Variants in LRRC49 observed in about 807,000 individuals in gnomAD.
LRRC49 encodes the protein leucine rich repeat containing 49, also known as leucine-rich repeat-containing protein 49.
In LRRC49, 50 loss-of-function variants were observed where a neutral mutation model predicts 83.3. The ratio of observed to expected loss-of-function variants is 0.60; its 90% CI spans 0.48 to 0.76. The LOEUF is 0.76. Ranked by LOEUF, LRRC49 falls within the 30% of genes least tolerant of loss-of-function variation. The pLI is 0.00. For missense variants in LRRC49, 704 were observed against 809.1 expected, an observed-to-expected ratio of 0.87 and a Z score of 1.58; for synonymous variants, 286 against 283.3, an observed-to-expected ratio of 1.01 and a Z score of -0.10.
intron 8 of LRRC49, among the ~76,000 whole-genome samples, chr15:70,955,586 C>G (rs2141185934): frequency 6.6e-6 from 1 of 152,312 alleles, no homozygotes; most frequent in Non-Finnish European, 1.5e-5. Context: ...TCTTCTATCT[C>G]TCAGCCTTGA....
chr15:70,980,231 A>C, intron 10 of LRRC49, 47 bp downstream of exon 10: 2 of 1,355,782 alleles, frequency 1.5e-6, no homozygotes, highest in Non-Finnish European at 2.0e-6. Flanking sequence ...ACGTAGACAC[A>C]CATACCCCAA....
At chr15:70,896,478 A>G (rs927460341) in intron 3 of LRRC49, among the ~76,000 whole-genome samples, 2 of 152,184 alleles carry the variant, frequency 1.3e-5, no homozygotes, top group African/African-American at 2.4e-5. Flanking sequence ...GGAAATGTGC[A>G]TTTTAATAAT....
rs115400787 is a variant in LRRC49 at position 70,910,487 on chromosome 15, G to A, written c.501-1045G>A. On this transcript the variant is annotated intron_variant, in intron 5 of 15. Transcript: ENST00000260382. ...AGTGGTTCTTTGAGGCAGTAAACAA[G>A]GACAACGAAAATAGATGGTGATAAA... is the stretch of plus-strand genomic sequence containing the variant. Among the ~76,000 whole-genome samples the A allele has an allele frequency of 4.8e-3, 724 of 152,254 alleles. 9 individuals are homozygous for A. The highest frequency in any genetic ancestry group is 0.017 in the African/African-American group (705 of 41,536).
At chr15:70,968,310 ATGAACT>A (rs2036866928) in intron 9 of LRRC49, among the ~76,000 whole-genome samples, 1 of 152,188 alleles carries the variant, frequency 6.6e-6, no homozygotes, top group Non-Finnish European at 1.5e-5. Context: ...TACAAAGGAC[ATGAACT>A]CATTCTTTTT....
At chr15:70,900,629 CAAG>C (rs1441919116) in intron 3 of LRRC49, 2 of 471,590 alleles carry the variant, frequency 4.2e-6, no homozygotes, top group Middle Eastern at 3.2e-4. Context: ...GAATTTAAGA[CAAG>C]GAGTCAGGAT....
At chr15:70,891,911 G>C (rs1326387073), upstream of LRRC49, 2 of 1,613,720 alleles carry the variant, frequency 1.2e-6, no homozygotes, top group Non-Finnish European at 1.7e-6. Flanking sequence ...GGCAGCCTCA[G>C]AATGCCTGGC....
At chr15:70,963,746 G>A in intron 8 of LRRC49, 39 bp from the exon 9 acceptor site, 1 of 1,584,296 alleles carries the variant, frequency 6.3e-7, no homozygotes, top group South Asian at 1.2e-5. Context: ...ATTATCTTAA[G>A]GCCTCAGAAT....
chr15:70,920,553 G>A lies in LRRC49; in HGVS notation c.711+1360G>A, dbSNP rs375990953. Among the ~76,000 whole-genome samples, 7 of 152,162 alleles carry A rather than the reference G, an allele frequency of 4.6e-5. No individual in the cohort carries two copies. The East Asian group carries it at 1.2e-3, about 25-fold the overall frequency. ...CTTGGGTCTGGTAAGATTCCAAAAA[G>A]CTTTGTTAGAGTAGGGAACAGGAAT... On this transcript the variant is annotated intron_variant, in intron 7 of 15. Transcript: ENST00000260382.
intron 7 of LRRC49, among the ~76,000 whole-genome samples, chr15:70,928,588 A>T (rs2141145532): frequency 6.6e-6 from 1 of 151,884 alleles, no homozygotes; most frequent in African/African-American, 2.4e-5. Flanking sequence ...TATTTTTGAA[A>T]CAGAGTTTCA....
At chr15:70,972,919 T>C (rs1388940629) in intron 9 of LRRC49, among the ~76,000 whole-genome samples, 1 of 152,134 alleles carries the variant, frequency 6.6e-6, no homozygotes. Flanking sequence ...CTTCATTCCA[T>C]TGGGTTAGAA....
At chr15:70,998,402 G>C (rs951894389) in intron 11 of LRRC49, among the ~76,000 whole-genome samples, 1 of 151,830 alleles carries the variant, frequency 6.6e-6, no homozygotes, top group African/African-American at 2.4e-5. Flanking sequence ...GTTTATCAGG[G>C]AATGTCTTAA....
At chr15:70,963,583 G>T (rs990601060) in intron 8 of LRRC49, among the ~76,000 whole-genome samples, 2 of 152,074 alleles carry the variant, frequency 1.3e-5, no homozygotes, top group Admixed American at 1.3e-4. Context: ...TGTTTACTTT[G>T]GTTGATTAAT....
At chr15:70,888,359 C>T (rs764074740), upstream of LRRC49, among the ~76,000 whole-genome samples, 2 of 152,074 alleles carry the variant, frequency 1.3e-5, no homozygotes, top group Non-Finnish European at 2.9e-5. Flanking sequence ...GGAAACAGAC[C>T]TATGCATATA....
Position 70,854,014 on chromosome 15 carries a change from G to C in LRRC49, c.-299+545G>C, listed in dbSNP as rs560760507. 1.3e-5 allele frequency: 19 copies of C among 1,458,200 alleles called. No individual in the cohort carries two copies. The East Asian group carries it at 5.2e-4, about 40-fold the overall frequency. 90.3% of individuals were successfully genotyped at this position (1,458,200 alleles called of 1,614,324 possible). On this transcript the variant is annotated intron_variant, in intron 1 of 16. Transcript: ENST00000544974. ...CGTCCTCCAACTCGTCCACGTCCTC[G>C]GCCTCCTGGATGGCGACGCGGATCT...
chr15:70,929,914 G>A (rs185069156), intron 7 of LRRC49, among the ~76,000 whole-genome samples: 2 of 152,200 alleles, frequency 1.3e-5, no homozygotes, highest in East Asian at 3.9e-4. Context: ...TAGTTCTTTT[G>A]CCCTTTCTAC....
intron 15 of LRRC49, among the ~76,000 whole-genome samples, chr15:71,049,100 A>G (rs1207086516): frequency 6.6e-6 from 1 of 152,234 alleles, no homozygotes; most frequent in Non-Finnish European, 1.5e-5. Flanking sequence ...TGTGAGCTAA[A>G]TGACCTGAAC....
At chr15:71,040,819 C>CAAAA (rs57206118) in intron 15 of LRRC49, among the ~76,000 whole-genome samples, 1 of 98,824 alleles carries the variant, frequency 1.0e-5, no homozygotes, top group Non-Finnish European at 1.9e-5. Flanking sequence ...GACTCCGTCT[C>CAAAA]AAAAAAAAAA....
At chr15:70,980,634 AT>A (rs1484544656) in intron 10 of LRRC49, among the ~76,000 whole-genome samples, 2 of 151,576 alleles carry the variant, frequency 1.3e-5, no homozygotes, top group Non-Finnish European at 2.9e-5. Context: ...AGTGATAAAG[AT>A]TTTGTGGAAC....
intron 1 of LRRC49, among the ~76,000 whole-genome samples, chr15:70,869,838 A>G (rs1196703611): frequency 1.3e-5 from 2 of 152,182 alleles, no homozygotes; most frequent in Admixed American, 6.5e-5. Context: ...CTAAATTAAC[A>G]GGTGATTTTT....
Sources: allele counts gnomAD v4.1 joint callset (sites outside exome capture counted in the v4.1 genomes callset), GRCh38; gene constraint gnomAD v4.1.1; transcripts MANE v1.5; gene names NCBI Gene and HGNC (gene_info 2026-07-23, HGNC 2026-07-21).